The following MATCAP1 variants were observed in gnomAD, a reference collection of about 807,000 sequenced individuals.
The protein encoded by MATCAP1 is microtubule-associated tyrosine carboxypeptidase 1.
the MATCAP1 span, chr16:67,179,217 G>A: frequency 7.2e-7 from 1 of 1,395,130 alleles, no homozygotes; most frequent in Non-Finnish European, 9.3e-7. The surrounding 1 kb of genome is among the most constrained non-coding windows in gnomAD (Gnocchi z 5.2). Flanking sequence ...AGGACCAAGA[G>A]ATGAGAGCGA....
At chr16:67,178,622 T>A in the MATCAP1 span, 1 of 918,920 alleles carries the variant, frequency 1.1e-6, no homozygotes, top group Non-Finnish European at 1.7e-6. Context: ...TCCATCCTCA[T>A]GCTCCTGAAC....
the MATCAP1 span, chr16:67,178,288 TG>T: frequency 1.3e-6 from 2 of 1,578,122 alleles, no homozygotes; most frequent in Non-Finnish European, 1.7e-6. Context: ...CTCCAGGTCC[TG>T]GAAGAGCTGA....
the MATCAP1 span, chr16:67,179,724 G>A: frequency 6.4e-7 from 1 of 1,560,018 alleles, no homozygotes; most frequent in Non-Finnish European, 8.8e-7. The surrounding 1 kb of genome is among the most constrained non-coding windows in gnomAD (Gnocchi z 5.2). Context: ...GCAGGGGCAG[G>A]GGTGGGTCAG....
At chr16:67,178,336 T>C in the MATCAP1 span, 1 of 1,580,528 alleles carries the variant, frequency 6.3e-7, no homozygotes, top group Non-Finnish European at 8.6e-7. Flanking sequence ...GATGGTGTAG[T>C]AGAGCAGTGC....
At chr16:67,177,873 C>G in the MATCAP1 span, 6 of 712,118 alleles carry the variant, frequency 8.4e-6, no homozygotes, top group Non-Finnish European at 1.2e-5. Context: ...ATCTCCTGTT[C>G]TCACTTCCAC....
At chr16:67,178,396 G>A in the MATCAP1 span, 1 of 1,549,248 alleles carries the variant, frequency 6.5e-7, no homozygotes, top group Non-Finnish European at 8.7e-7. Context: ...GTGCAGGCTG[G>A]CCAGGCCCTC....
At chr16:67,179,931 C>A in the MATCAP1 span, 1 of 1,614,120 alleles carries the variant, frequency 6.2e-7, no homozygotes, top group South Asian at 1.1e-5. The surrounding 1 kb of genome is among the most constrained non-coding windows in gnomAD (Gnocchi z 5.2). Flanking sequence ...CCAAACTTCT[C>A]CAGAACAGCC....
chr16:67,180,523 G>T, the MATCAP1 span: 1 of 1,561,808 alleles, frequency 6.4e-7, no homozygotes, highest in Non-Finnish European at 8.7e-7. Flanking sequence ...CGGTCTGAGG[G>T]CTTCAGCCTA....
At chr16:67,180,438 T>C in the MATCAP1 span, 1 of 1,611,434 alleles carries the variant, frequency 6.2e-7, no homozygotes, top group Non-Finnish European at 8.5e-7. Context: ...AGGCTGGGGC[T>C]GCAGCGCTGG....
the MATCAP1 span, chr16:67,181,813 T>G: frequency 6.6e-6 from 1 of 152,296 alleles, no homozygotes; most frequent in African/African-American, 2.4e-5. Flanking sequence ...CTATACCCAG[T>G]CTCCAGTTCC....
chr16:67,178,233 G>C, the MATCAP1 span: 1 of 1,546,718 alleles, frequency 6.5e-7, no homozygotes, highest in South Asian at 1.2e-5. Flanking sequence ...CGCGCTTGGC[G>C]CGCACGCAGT....
the MATCAP1 span, chr16:67,176,765 T>C: frequency 6.7e-7 from 1 of 1,489,112 alleles, no homozygotes; most frequent in South Asian, 1.4e-5. This position sits in a 1 kb window ranked among gnomAD's most constrained non-coding sequence, Gnocchi z 4.3. Flanking sequence ...TAGGGGCCTA[T>C]CTGGAGCTTC....
At chr16:67,178,138 C>CCCTCGCCCGAAG in the MATCAP1 span, 18 of 1,467,230 alleles carry the variant, frequency 1.2e-5, no homozygotes, top group Non-Finnish European at 1.7e-5. Context: ...TGAGCCCCGC[C>CCCTCGCCCGAAG]CCTCGCCCGA....
chr16:67,179,100 G>C, the MATCAP1 span: 1 of 1,188,492 alleles, frequency 8.4e-7, no homozygotes, highest in Non-Finnish European at 1.0e-6. The surrounding 1 kb of genome is among the most constrained non-coding windows in gnomAD (Gnocchi z 5.2). Context: ...TGGCTGGCCT[G>C]GTGGGACCCT....
At chr16:67,177,948 CAG>C in the MATCAP1 span, 2 of 1,464,094 alleles carry the variant, frequency 1.4e-6, no homozygotes, top group Non-Finnish European at 1.9e-6. Context: ...ATCCGAGGCT[CAG>C]GGAATTCTAC....
At chr16:67,178,458 G>T in the MATCAP1 span, 1 of 1,534,586 alleles carries the variant, frequency 6.5e-7, no homozygotes, top group Non-Finnish European at 8.7e-7. Context: ...CCTCCGCGTT[G>T]TGCCACGGCT....
At chr16:67,178,223 CG>C in the MATCAP1 span, 1 of 1,542,662 alleles carries the variant, frequency 6.5e-7, no homozygotes, top group Non-Finnish European at 8.8e-7. Flanking sequence ...TCGGTCTGGC[CG>C]CGCTTGGCGC....
the MATCAP1 span, chr16:67,179,589 G>C: frequency 6.3e-7 from 1 of 1,599,218 alleles, no homozygotes; most frequent in African/African-American, 1.3e-5. The surrounding 1 kb of genome is among the most constrained non-coding windows in gnomAD (Gnocchi z 5.2). Flanking sequence ...TCTGAGCCAT[G>C]GCCACCAGCC....
At chr16:67,179,587 A>G in the MATCAP1 span, 2 of 1,602,278 alleles carry the variant, frequency 1.2e-6, no homozygotes, top group African/African-American at 1.3e-5. This position sits in a 1 kb window ranked among gnomAD's most constrained non-coding sequence, Gnocchi z 5.2. Flanking sequence ...GCTCTGAGCC[A>G]TGGCCACCAG....
Sources: allele counts gnomAD v4.1 joint callset, GRCh38; gene constraint gnomAD v4.1.1; non-coding constraint Gnocchi (gnomAD v3.1); transcripts MANE v1.5; gene names NCBI Gene and HGNC (gene_info 2026-07-23, HGNC 2026-07-21).